Variants in PTPRD observed in about 807,000 individuals in gnomAD.
PTPRD encodes the protein receptor-type tyrosine-protein phosphatase delta.
A neutral mutation model predicts 214.5 loss-of-function variants in PTPRD; 34 were observed. That is an observed-to-expected ratio of 0.16 (90% confidence interval 0.12 to 0.21). The LOEUF is 0.21. Among genes scored for constraint, PTPRD ranks in the 10% least tolerant of loss-of-function variants. The pLI is 1.00. For missense variants in PTPRD, 2,545 were observed against 2,398.7 expected (o/e 1.06, Z -1.27); for synonymous variants, 1,128 against 845.7 (o/e 1.33, Z -5.79).
chr9:10,158,190 G>T (rs958448688), intron 3 of PTPRD, among the ~76,000 whole-genome samples: 3 of 151,982 alleles, frequency 2.0e-5, no homozygotes, highest in Admixed American at 6.6e-5. Context: ...TGTGTTTTTA[G>T]TAGAGATGGG....
chr9:10,200,303 T>A (rs1458866545), intron 3 of PTPRD, among the ~76,000 whole-genome samples: 7 of 152,232 alleles, frequency 4.6e-5, no homozygotes, highest in Admixed American at 4.6e-4. Flanking sequence ...GATCAGTGGT[T>A]TTCAACTGGG....
chr9:8,457,004 T>C (rs1013991169), intron 33 of PTPRD, among the ~76,000 whole-genome samples: 6 of 152,204 alleles, frequency 3.9e-5, no homozygotes, highest in African/African-American at 1.4e-4. Context: ...AAGCCTTACA[T>C]ATGTAACAGA....
At chr9:8,552,893 G>T (rs905519696) in intron 14 of PTPRD, among the ~76,000 whole-genome samples, 1 of 152,150 alleles carries the variant, frequency 6.6e-6, no homozygotes, top group Non-Finnish European at 1.5e-5. Context: ...GCCGCTGTGT[G>T]ACAAACACTT....
intron 14 of PTPRD, among the ~76,000 whole-genome samples, chr9:8,632,464 G>C (rs1321635142): frequency 6.6e-6 from 1 of 151,860 alleles, no homozygotes; most frequent in African/African-American, 2.4e-5. Flanking sequence ...TTTTGGAACA[G>C]AGGAAAATAC....
chr9:9,229,321 T>A (rs1353845368), intron 9 of PTPRD, among the ~76,000 whole-genome samples: 9 of 152,046 alleles, frequency 5.9e-5, no homozygotes, highest in East Asian at 3.9e-4. Context: ...TAAAAAAAAA[T>A]TATTGGAAGG....
chr9:9,619,759 T>C (rs2095127262), intron 7 of PTPRD, among the ~76,000 whole-genome samples: 1 of 146,470 alleles, frequency 6.8e-6, no homozygotes, highest in Non-Finnish European at 1.5e-5. Flanking sequence ...AATATTTATA[T>C]ATAATCTATA....
chr9:10,185,344 T>C (rs2099325127), intron 3 of PTPRD, among the ~76,000 whole-genome samples: 1 of 152,142 alleles, frequency 6.6e-6, no homozygotes, highest in South Asian at 2.1e-4. Context: ...ACTTTCCAAT[T>C]TCGAATGATG....
chr9:9,613,940 A>T (rs2094694263), intron 7 of PTPRD, among the ~76,000 whole-genome samples: 1 of 152,196 alleles, frequency 6.6e-6, no homozygotes, highest in Non-Finnish European at 1.5e-5. Flanking sequence ...TTCAAATCCC[A>T]GCTGTTCAGC....
At chr9:10,416,787 G>C (rs540615717) in intron 2 of PTPRD, among the ~76,000 whole-genome samples, 1 of 151,706 alleles carries the variant, frequency 6.6e-6, no homozygotes. Flanking sequence ...GCTGAAGGTG[G>C]GTGTTTCCAT....
intron 7 of PTPRD, among the ~76,000 whole-genome samples, chr9:9,679,796 T>C (rs1348514413): frequency 1.3e-5 from 2 of 151,946 alleles, no homozygotes; most frequent in African/African-American, 2.4e-5. Flanking sequence ...GACTCAAAGA[T>C]GTTTTGATTA....
intron 3 of PTPRD, among the ~76,000 whole-genome samples, chr9:10,055,775 A>T (rs2097625329): frequency 6.6e-6 from 1 of 151,898 alleles, no homozygotes; most frequent in South Asian, 2.1e-4. Flanking sequence ...AGAAATTGTG[A>T]TTCAGTTAAG....
At chr9:9,089,469 C>G (rs779223149) in intron 10 of PTPRD, among the ~76,000 whole-genome samples, 5 of 152,138 alleles carry the variant, frequency 3.3e-5, no homozygotes, top group African/African-American at 1.2e-4. Context: ...GCCATTTAAC[C>G]TTTCTGACCA....
intron 5 of PTPRD, among the ~76,000 whole-genome samples, chr9:9,895,642 C>T (rs1348714426): frequency 6.6e-6 from 1 of 151,966 alleles, no homozygotes; most frequent in Non-Finnish European, 1.5e-5. Flanking sequence ...TACAGTTACA[C>T]AGGAGGAATA....
chr9:8,807,484 TCAAA>T (rs796849158), intron 11 of PTPRD, among the ~76,000 whole-genome samples: 127 of 152,196 alleles, frequency 8.3e-4, no homozygotes, highest in African/African-American at 2.9e-3. Context: ...ATCACTATAA[TCAAA>T]CAAACAAAGC....
At chr9:9,861,742 A>C (rs898705301) in intron 5 of PTPRD, among the ~76,000 whole-genome samples, 1 of 152,226 alleles carries the variant, frequency 6.6e-6, no homozygotes, top group African/African-American at 2.4e-5. Context: ...CTAGTTTAAA[A>C]AAGTAAATAA....
chr9:9,899,712 G>T (rs1019606003), intron 5 of PTPRD, among the ~76,000 whole-genome samples: 1 of 149,518 alleles, frequency 6.7e-6, no homozygotes, highest in Non-Finnish European at 1.5e-5. Flanking sequence ...ACCTCCAAAG[G>T]AAAAAAAAAT....
chr9:8,868,812 C>T (rs2098244186), intron 11 of PTPRD, among the ~76,000 whole-genome samples: 1 of 152,106 alleles, frequency 6.6e-6, no homozygotes, highest in Non-Finnish European at 1.5e-5. Flanking sequence ...CATGTATGCC[C>T]ATTCATCCCG....
chr9:9,256,458 G>C (rs1388369440), intron 9 of PTPRD, among the ~76,000 whole-genome samples: 3 of 146,456 alleles, frequency 2.0e-5, no homozygotes, highest in Non-Finnish European at 4.5e-5. Context: ...CTCATGATTT[G>C]AATGTTCTTG....
At chr9:10,387,442 G>C (rs1210697548) in intron 2 of PTPRD, among the ~76,000 whole-genome samples, 5 of 151,822 alleles carry the variant, frequency 3.3e-5, no homozygotes, top group Non-Finnish European at 7.4e-5. Context: ...GAAGGCATAG[G>C]TCTCCTCATC....
Sources: gnomAD v4.1 joint callset for allele counts (sites outside exome capture counted in the v4.1 genomes callset) on GRCh38, gnomAD v4.1.1 for gene constraint, MANE v1.5 for transcripts, NCBI Gene and HGNC (gene_info 2026-07-23, HGNC 2026-07-21) for gene names.